The following SATL1 variants were observed in gnomAD, a reference collection of about 807,000 sequenced individuals.
SATL1 encodes spermidine/spermine N(1)-acetyltransferase-like protein 1.
SATL1 carries 47 observed loss-of-function variants against 51.8 expected under a neutral mutation model. That is an observed-to-expected ratio of 0.91 (90% confidence interval 0.72 to 1.16). SATL1 has a LOEUF of 1.16. Among genes scored for constraint, SATL1 ranks in the 50% most tolerant of loss-of-function variants. The pLI, the probability that SATL1 is intolerant of heterozygous loss-of-function variation, is 0.00. For synonymous variants in SATL1, 176 were observed against 182.4 expected (o/e 0.97, Z 0.28); for missense variants, 520 against 526.4 (o/e 0.99, Z 0.12).
intron 2 of SATL1, among the ~76,000 whole-genome samples, chrX:85,219,969 T>C (rs1434941335): frequency 1.9e-5 from 2 of 107,622 alleles, no homozygotes; most frequent in African/African-American, 6.8e-5. Context: ...TACCTGGTTT[T>C]TAACTCCATG....
intron 2 of SATL1, among the ~76,000 whole-genome samples, chrX:85,206,242 G>A (rs1422078308): frequency 9.0e-6 from 1 of 111,684 alleles, no homozygotes; most frequent in African/African-American, 3.3e-5. Context: ...GCTATTTAAA[G>A]TCATGTTAAT....
chrX:85,187,653 C>T (rs1157628727), intron 2 of SATL1, among the ~76,000 whole-genome samples: 1 of 111,746 alleles, frequency 8.9e-6, no homozygotes, highest in Non-Finnish European at 1.9e-5. Context: ...CATCCTCACA[C>T]TCCTGGGATA....
At chrX:85,141,006 C>T (rs1390631389) in intron 2 of SATL1, among the ~76,000 whole-genome samples, 1 of 111,425 alleles carries the variant, frequency 9.0e-6, no homozygotes, top group Non-Finnish European at 1.9e-5. Flanking sequence ...CTATTTTTTT[C>T]CCCATCTTTC....
At chrX:85,155,475 ATAAT>A (rs1445887807) in intron 2 of SATL1, among the ~76,000 whole-genome samples, 2 of 111,945 alleles carry the variant, frequency 1.8e-5, no homozygotes, top group African/African-American at 6.5e-5. Context: ...TTCAAATGAA[ATAAT>A]TAATGAAAAA....
In SATL1 at chrX:85,092,385, C is replaced by T; in HGVS notation, c.*6G>A. On this transcript the variant is annotated 3_prime_UTR_variant, in exon 8 of 8. Coordinates refer to ENST00000644105, the MANE Select transcript of SATL1 (RefSeq NM_001367857.2). ...TGTGTTGGGATGAGTTGTTACAAAG[C>T]CTCTTTCATTCTTCCCATGCCATGT... is the stretch of plus-strand genomic sequence containing the variant. 1 of 1,160,593 alleles carries T rather than the reference C, an allele frequency of 8.6e-7. No homozygotes were observed. The highest frequency in any genetic ancestry group is 1.1e-6 in the Non-Finnish European group (1 of 870,461).
intron 2 of SATL1, among the ~76,000 whole-genome samples, chrX:85,188,399 A>G (rs890533354): frequency 8.9e-6 from 1 of 111,795 alleles, no homozygotes; most frequent in African/African-American, 3.3e-5. Flanking sequence ...GGTAAGAAGT[A>G]AAAATAAACC....
At chrX:85,183,207 G>A (rs989514075) in intron 2 of SATL1, among the ~76,000 whole-genome samples, 2 of 110,131 alleles carry the variant, frequency 1.8e-5, no homozygotes, top group East Asian at 2.8e-4. Flanking sequence ...TTATAGTTTC[G>A]GGTTCTATAT....
chrX:85,192,316 G>A (rs1409137254), intron 2 of SATL1, among the ~76,000 whole-genome samples: 2 of 111,339 alleles, frequency 1.8e-5, no homozygotes, highest in Non-Finnish European at 3.8e-5. Flanking sequence ...CCTACAGGAT[G>A]AAAACTCTAT....
At chrX:85,148,378 T>A (rs1160399558) in intron 2 of SATL1, among the ~76,000 whole-genome samples, 1 of 109,635 alleles carries the variant, frequency 9.1e-6, no homozygotes, top group Non-Finnish European at 1.9e-5. Context: ...GGAACCAAGT[T>A]GGAAAACACT....
rs185598046 is a variant in SATL1 at position 85,190,785 on chromosome X, T to A, written c.-313+33420A>T. 2.7e-5 allele frequency among the ~76,000 whole-genome samples: 3 copies of A among 110,621 alleles called. No individual in the cohort carries two copies. The East Asian group carries it at 8.5e-4, about 31-fold the overall frequency. Reference sequence around the variant, plus strand: ...TAAAGAGTTGATGCAAATAGTGTTATAACAAAAAAGGATGAGTTCATGTCC... The same window carrying A: ...TAAAGAGTTGATGCAAATAGTGTTAAAACAAAAAAGGATGAGTTCATGTCC... On this transcript the variant is annotated intron_variant, in intron 2 of 7. Transcript: ENST00000644105.
At chrX:85,222,401 C>T (rs191221982) in intron 2 of SATL1, among the ~76,000 whole-genome samples, 107 of 111,707 alleles carry the variant, frequency 9.6e-4, no homozygotes, top group African/African-American at 2.8e-3. Flanking sequence ...AGGTTTCTTC[C>T]GTAGGTGCTC....
At chrX:85,139,221 T>C (rs1926045972) in intron 2 of SATL1, among the ~76,000 whole-genome samples, 1 of 111,462 alleles carries the variant, frequency 9.0e-6, no homozygotes, top group African/African-American at 3.3e-5. Flanking sequence ...GCCTAGAATC[T>C]ATAATAACAG....
intron 2 of SATL1, among the ~76,000 whole-genome samples, chrX:85,214,570 T>G (rs1282550368): frequency 9.0e-6 from 1 of 111,431 alleles, no homozygotes; most frequent in Non-Finnish European, 1.9e-5. Context: ...TCCCAATAGT[T>G]CCCGAAAACT....
chrX:85,138,340 T>TG (rs1926015868), intron 2 of SATL1, among the ~76,000 whole-genome samples: 1 of 111,123 alleles, frequency 9.0e-6, no homozygotes, highest in Admixed American at 9.6e-5. Flanking sequence ...TGGTTTTGTC[T>TG]CCCCTGTTGG....
chrX:85,226,974 T>A (rs1928287389), intron 1 of SATL1, among the ~76,000 whole-genome samples: 2 of 111,467 alleles, frequency 1.8e-5, no homozygotes, highest in African/African-American at 3.3e-5. Flanking sequence ...AATCACTCCC[T>A]TGTATATGTC....
chrX:85,152,450 A>G (rs1413459048), intron 2 of SATL1, among the ~76,000 whole-genome samples: 2 of 111,898 alleles, frequency 1.8e-5, no homozygotes, highest in African/African-American at 6.5e-5. Flanking sequence ...CATTTGACCC[A>G]GCCATCCCAT....
chrX:85,203,635 C>A (rs532976172), intron 2 of SATL1, among the ~76,000 whole-genome samples: 2 of 108,343 alleles, frequency 1.8e-5, no homozygotes, highest in South Asian at 7.9e-4. Flanking sequence ...CTGCTTAAAG[C>A]AGCAGTCTGG....
At chrX:85,209,324 T>C (rs1381071541) in intron 2 of SATL1, 1 of 111,853 alleles carries the variant, frequency 8.9e-6, no homozygotes, top group Non-Finnish European at 1.9e-5. Context: ...CCTCCAGCTT[T>C]GTTCTTTTGG....
At chrX:85,183,837 A>G (rs1354370544) in intron 2 of SATL1, among the ~76,000 whole-genome samples, 2 of 111,205 alleles carry the variant, frequency 1.8e-5, no homozygotes, top group Non-Finnish European at 3.8e-5. Flanking sequence ...CTGATAAGTT[A>G]TTGTTGACTG....
Sources: allele counts gnomAD v4.1 joint callset (sites outside exome capture counted in the v4.1 genomes callset), GRCh38; gene constraint gnomAD v4.1.1; transcripts MANE v1.5; gene names NCBI Gene and HGNC (gene_info 2026-07-23, HGNC 2026-07-21).